Variants in NXPH1 observed in about 807,000 individuals in gnomAD.
The protein encoded by NXPH1 is neurexophilin-1.
NXPH1 carries 5 observed loss-of-function variants against 23.7 expected under a neutral mutation model. The ratio of observed to expected loss-of-function variants is 0.21; its 90% CI spans 0.11 to 0.44. The LOEUF (loss-of-function observed/expected upper bound fraction) is 0.44, where lower values mean the gene tolerates loss of function less well. Ranked by LOEUF, NXPH1 falls within the 20% of genes least tolerant of loss-of-function variation. The pLI, the probability that NXPH1 is intolerant of heterozygous loss-of-function variation, is 0.99. For synonymous variants in NXPH1, 144 were observed against 122.2 expected (o/e 1.18, Z -1.18); for missense variants, 324 against 321.6 (o/e 1.01, Z -0.06).
intron 2 of NXPH1, among the ~76,000 whole-genome samples, chr7:8,671,689 G>C (rs957353106): frequency 1.3e-5 from 2 of 152,160 alleles, no homozygotes; most frequent in African/African-American, 4.8e-5. Flanking sequence ...CACTTGTTCA[G>C]AAAAATTGGG....
At chr7:8,536,841 A>G (rs998909252) in intron 2 of NXPH1, among the ~76,000 whole-genome samples, 1 of 151,972 alleles carries the variant, frequency 6.6e-6, no homozygotes, top group Non-Finnish European at 1.5e-5. Context: ...TTTTATGGAT[A>G]CAGGGTGAGA....
intron 2 of NXPH1, among the ~76,000 whole-genome samples, chr7:8,489,257 G>T (rs1259231669): frequency 6.6e-6 from 1 of 151,994 alleles, no homozygotes; most frequent in African/African-American, 2.4e-5. Context: ...TCTGGAAAGG[G>T]GGTGGCCTTC....
At chr7:8,509,906 CA>C (rs1345924994) in intron 2 of NXPH1, among the ~76,000 whole-genome samples, 1 of 152,252 alleles carries the variant, frequency 6.6e-6, no homozygotes, top group Admixed American at 6.5e-5. Flanking sequence ...CTTCTTAAAG[CA>C]ACATCTGCTT....
chr7:8,459,039 C>A (rs1816647154), intron 2 of NXPH1, among the ~76,000 whole-genome samples: 2 of 151,926 alleles, frequency 1.3e-5, no homozygotes, highest in African/African-American at 2.4e-5. Flanking sequence ...AAGCATTCCC[C>A]TTACCATAAA....
chr7:8,493,230 T>G (rs1563326497), intron 2 of NXPH1, among the ~76,000 whole-genome samples: 2 of 152,048 alleles, frequency 1.3e-5, no homozygotes, highest in African/African-American at 2.4e-5. Context: ...TTAGTTCACC[T>G]GAAGGAATGT....
At position 8,474,211 on chromosome 7, in the gene NXPH1, T is replaced by TA. The variant is rs573549113; in HGVS notation, c.54+38449dup. 1.3e-3 allele frequency among the ~76,000 whole-genome samples: 196 copies of TA among 152,290 alleles called. 1 individual carries two copies. The highest frequency in any genetic ancestry group is 0.01 in the Middle Eastern group (3 of 294). On this transcript the variant is annotated intron_variant, in intron 2 of 2. Coordinates refer to ENST00000405863, the MANE Select transcript of NXPH1 (RefSeq NM_152745.3). ...GACATAGAATCAAGAATGAGGTGTA[T>TA]AAAAATAATTTTAGGATTGCTACAC...
chr7:8,491,705 G>A (rs1817251020), intron 2 of NXPH1, among the ~76,000 whole-genome samples: 1 of 152,032 alleles, frequency 6.6e-6, no homozygotes, highest in Admixed American at 6.6e-5. Context: ...CGGACTGTTA[G>A]ATGAACAGGG....
chr7:8,540,017 A>G (rs73050625), intron 2 of NXPH1, among the ~76,000 whole-genome samples: 9,784 of 151,876 alleles, frequency 0.064, 415 homozygotes, highest in Non-Finnish European at 0.098. Context: ...TGATAGTCTC[A>G]TTTAGTGGTT....
At chr7:8,720,055 C>T (rs1224969560) in intron 2 of NXPH1, among the ~76,000 whole-genome samples, 3 of 152,104 alleles carry the variant, frequency 2.0e-5, no homozygotes, top group African/African-American at 7.2e-5. Flanking sequence ...GTATTATGAA[C>T]AGTATGATCT....
chr7:8,742,856 A>T (rs143488834), intron 2 of NXPH1, among the ~76,000 whole-genome samples: 1 of 152,288 alleles, frequency 6.6e-6, no homozygotes, highest in East Asian at 1.9e-4. Flanking sequence ...TGGAATAGTG[A>T]GAAGTAGCTT....
chr7:8,603,368 A>G (rs1819407287), intron 2 of NXPH1, among the ~76,000 whole-genome samples: 1 of 152,184 alleles, frequency 6.6e-6, no homozygotes, highest in Admixed American at 6.5e-5. Context: ...TAGTGACCTC[A>G]ATAGCCACTA....
intron 2 of NXPH1, among the ~76,000 whole-genome samples, chr7:8,449,837 C>T (rs1816473657): frequency 6.6e-6 from 1 of 152,188 alleles, no homozygotes; most frequent in South Asian, 2.1e-4. Context: ...GTTGGCACTA[C>T]TGTAGTTAAG....
At chr7:8,706,107 A>T (rs572890235) in intron 2 of NXPH1, among the ~76,000 whole-genome samples, 1 of 152,162 alleles carries the variant, frequency 6.6e-6, no homozygotes, top group Non-Finnish European at 1.5e-5. Flanking sequence ...TTAGGGTTAT[A>T]GTCTCTATGG....
chr7:8,709,687 A>T (rs1339069913), intron 2 of NXPH1, among the ~76,000 whole-genome samples: 1 of 152,200 alleles, frequency 6.6e-6, no homozygotes, highest in Non-Finnish European at 1.5e-5. Flanking sequence ...TTCAATTAAA[A>T]CATTCCATTT....
intron 2 of NXPH1, among the ~76,000 whole-genome samples, chr7:8,523,195 G>A (rs555470358): frequency 1.3e-5 from 2 of 152,274 alleles, no homozygotes; most frequent in East Asian, 3.9e-4. Context: ...CCTGACTGAG[G>A]TCCATCTCAA....
chr7:8,577,369 C>A (rs757874909), intron 2 of NXPH1, among the ~76,000 whole-genome samples: 1 of 152,206 alleles, frequency 6.6e-6, no homozygotes, highest in African/African-American at 2.4e-5. Context: ...CTATCACTAA[C>A]CTTCTCCTCA....
chr7:8,658,095 A>C (rs1195109805), intron 2 of NXPH1, among the ~76,000 whole-genome samples: 1 of 152,246 alleles, frequency 6.6e-6, no homozygotes, highest in Admixed American at 6.5e-5. Flanking sequence ...AGTGAAATGC[A>C]ATAATTCAAA....
intron 2 of NXPH1, among the ~76,000 whole-genome samples, chr7:8,714,515 T>G (rs947965284): frequency 2.6e-5 from 4 of 151,630 alleles, no homozygotes; most frequent in Non-Finnish European, 5.9e-5. Context: ...AAGGGGTGTT[T>G]CCATAGCCAC....
chr7:8,466,167 T>C (rs1179068449), intron 2 of NXPH1, among the ~76,000 whole-genome samples: 1 of 152,186 alleles, frequency 6.6e-6, no homozygotes, highest in East Asian at 1.9e-4. Flanking sequence ...AAAGGATTAA[T>C]GAGTTAAAGG....
Sources: gnomAD v4.1 joint callset for allele counts (sites outside exome capture counted in the v4.1 genomes callset) on GRCh38, gnomAD v4.1.1 for gene constraint, MANE v1.5 for transcripts, NCBI Gene and HGNC (gene_info 2026-07-23, HGNC 2026-07-21) for gene names.